RIMBP2: variants seen among roughly 807,000 people sequenced by gnomAD.
The protein encoded by RIMBP2 is RIMS-binding protein 2.
RIMBP2 carries 48 observed loss-of-function variants against 118.6 expected under a neutral mutation model. The observed-to-expected ratio is 0.40, with a 90% confidence interval of 0.32 to 0.51. The LOEUF is 0.51. Among genes scored for constraint, RIMBP2 ranks in the 20% least tolerant of loss-of-function variants. The pLI is 0.41. For missense variants in RIMBP2, 1,551 were observed against 1,768.3 expected (o/e 0.88, Z 2.20); for synonymous variants, 762 against 742.9 (o/e 1.03, Z -0.42).
chr12:130,491,769 G>A (rs1250946934), intron 4 of RIMBP2, among the ~76,000 whole-genome samples: 3 of 152,234 alleles, frequency 2.0e-5, no homozygotes, highest in Non-Finnish European at 1.5e-5. Flanking sequence ...TGTCATTCAT[G>A]GGAAGGCTTC....
chr12:130,502,058 C>T (rs2049844242), intron 4 of RIMBP2, among the ~76,000 whole-genome samples: 2 of 152,316 alleles, frequency 1.3e-5, no homozygotes, highest in Admixed American at 6.5e-5. Context: ...GCCTCATTCA[C>T]GGCCCAACTG....
chr12:130,645,729 C>T (rs533195093), intron 1 of RIMBP2, among the ~76,000 whole-genome samples: 144 of 152,306 alleles, frequency 9.5e-4, no homozygotes, highest in Non-Finnish European at 1.5e-3. Context: ...TGGATCAAAC[C>T]GTGCCTGATC....
rs890041427 is a variant in RIMBP2 at position 130,419,405 on chromosome 12, A to T, written c.3238+3048T>A. ...CCAAATCCACTGGTGCCATAAGAAT[A>T]AGCACCGTCTTCTACAGGAGAGAGG... On this transcript the variant is annotated intron_variant, in intron 17 of 22. Transcript: ENST00000690449. The surrounding 1 kb of genome is among the most constrained non-coding windows in gnomAD (Gnocchi z 4.3). 1 of 152,206 alleles carries T rather than the reference A, an allele frequency of 6.6e-6. No homozygotes were observed. Among genetic ancestry groups the T allele is most frequent in the African/African-American group, 2.4e-5 (1 of 41,414 alleles). 9.4% of individuals were successfully genotyped at this position (152,206 alleles called of 1,614,324 possible).
Position 130,447,787 on chromosome 12 carries a change from G to A in RIMBP2, c.581+2413C>T, listed in dbSNP as rs977095906. Among the ~76,000 whole-genome samples the A allele has an allele frequency of 3.9e-5, 6 of 152,178 alleles. No individual in the cohort carries two copies. The highest frequency in any genetic ancestry group is 2.1e-4 in the South Asian group (1 of 4,834). On this transcript the variant is annotated intron_variant, in intron 9 of 22. Coordinates refer to ENST00000690449, the MANE Select transcript of RIMBP2 (RefSeq NM_001393629.1). The surrounding 1 kb of genome is among the most constrained non-coding windows in gnomAD (Gnocchi z 4.4). ...CCCTCAGCAAGGCGTTCCCCACGGC[G>A]GAGGCTGCACCAGATGGAAGGGAGG...
chr12:130,566,798 T>G (rs2057254238), intron 2 of RIMBP2, among the ~76,000 whole-genome samples: 1 of 152,202 alleles, frequency 6.6e-6, no homozygotes, highest in Non-Finnish European at 1.5e-5. Flanking sequence ...TTGCTAAGTT[T>G]GGGGATAATT....
intron 2 of RIMBP2, among the ~76,000 whole-genome samples, chr12:130,582,980 A>G (rs535996246): frequency 6.6e-6 from 1 of 152,356 alleles, no homozygotes; most frequent in African/African-American, 2.4e-5. Flanking sequence ...GTCCTCTTCT[A>G]TACTTAAGAA....
At chr12:130,490,273 C>A (rs905727659) in intron 4 of RIMBP2, among the ~76,000 whole-genome samples, 1 of 151,814 alleles carries the variant, frequency 6.6e-6, no homozygotes, top group Admixed American at 6.6e-5. Context: ...AAAAAACTCA[C>A]GGAAATGTTG....
chr12:130,683,178 T>A lies in RIMBP2; in HGVS notation c.-352+33044A>T, dbSNP rs2064879083. ...GTGGACCCTCCATCTGATGAGAGTG[T>A]CCACATAAGAGGTAGAAAAGGACAC... On this transcript the variant is annotated intron_variant, in intron 1 of 22. Coordinates refer to ENST00000690449, the MANE Select transcript of RIMBP2 (RefSeq NM_001393629.1). This position sits in a 1 kb window ranked among gnomAD's most constrained non-coding sequence, Gnocchi z 4.4. 6.6e-6 allele frequency among the ~76,000 whole-genome samples: 1 copy of A among 152,024 alleles called. No homozygotes were observed. The highest frequency in any genetic ancestry group is 2.1e-4 in the South Asian group (1 of 4,820).
intron 2 of RIMBP2, among the ~76,000 whole-genome samples, chr12:130,566,213 C>G (rs2057209281): frequency 6.6e-6 from 1 of 151,844 alleles, no homozygotes; most frequent in Non-Finnish European, 1.5e-5. Flanking sequence ...ACTCAACAGT[C>G]CTAGCTTCTA....
At chr12:130,527,430 T>A (rs2052923817) in intron 2 of RIMBP2, among the ~76,000 whole-genome samples, 1 of 152,214 alleles carries the variant, frequency 6.6e-6, no homozygotes, top group Non-Finnish European at 1.5e-5. Flanking sequence ...CCTGATCTGT[T>A]TGATATTTCA....
In RIMBP2 at chr12:130,437,120, G is replaced by C; in HGVS notation, c.1828C>G (p.Pro610Ala). 1 of 1,585,190 alleles carries C rather than the reference G, an allele frequency of 6.3e-7. No homozygotes were observed. Residue 610 changes from proline (P) to alanine (A), a missense_variant, in exon 13 of 23, where the codon CCG becomes GCG. Physicochemically the swap from Pro to Ala is conservative, Grantham distance 27. This residue lies in a region of RIMBP2 where 1,038 missense variants were observed against 1,125.1 expected (regional missense o/e 0.92). Coordinates refer to ENST00000690449, the MANE Select transcript of RIMBP2 (RefSeq NM_001393629.1). The part of the protein sequence containing the change: ...PELLVPPTPH[P>A]RPAPQSKPLA... ...GGCTTTGATTGGGGTGCAGGTCTCG[G>C]GTGGGGGGTAGGAGGCACCAGGAGC...
Position 130,397,292 on chromosome 12 carries a change from G to A in RIMBP2, c.*69C>T. On this transcript the variant is annotated 3_prime_UTR_variant, in exon 23 of 23. Coordinates refer to ENST00000690449, the MANE Select transcript of RIMBP2 (RefSeq NM_001393629.1). ...TTGGGTTTTTTTAGGAAGTACTTGA[G>A]TCATGAAAGCCCTAGTTTGGAATTA... The A allele has an allele frequency of 5.0e-6, 2 of 397,994 alleles. No homozygotes were observed. Among genetic ancestry groups the A allele is most frequent in the Non-Finnish European group, 8.9e-6 (2 of 225,760 alleles). The allele number at this position is 397,994 out of a possible 1,614,324, so 24.7% of individuals were successfully genotyped here.
chr12:130,570,505 A>G (rs1438544070), intron 2 of RIMBP2, among the ~76,000 whole-genome samples: 1 of 152,196 alleles, frequency 6.6e-6, no homozygotes, highest in Non-Finnish European at 1.5e-5. Flanking sequence ...AAACACTGAT[A>G]TGTCAACACC....
chr12:130,680,026 C>T (rs1032807980), intron 1 of RIMBP2, among the ~76,000 whole-genome samples: 2 of 152,176 alleles, frequency 1.3e-5, no homozygotes, highest in Admixed American at 6.5e-5. Context: ...GTTCACCCAC[C>T]GTGGGAAGGA....
rs2054703367 is a variant in RIMBP2 at position 130,542,411 on chromosome 12, C to G, written c.-216-24494G>C. On this transcript the variant is annotated intron_variant, in intron 2 of 22. Coordinates refer to ENST00000690449, the MANE Select transcript of RIMBP2 (RefSeq NM_001393629.1). ...AGTTCAAACCAGCACTATCAGTTCT[C>G]TCCTTCCCCTAGAATCTGAGATGAG... Among the ~76,000 whole-genome samples the G allele has an allele frequency of 2.0e-5, 3 of 152,178 alleles. No homozygotes were observed. The South Asian group carries it at 6.2e-4, about 32-fold the overall frequency.
At chr12:130,500,069 T>C (rs1593541658) in intron 4 of RIMBP2, among the ~76,000 whole-genome samples, 1 of 152,206 alleles carries the variant, frequency 6.6e-6, no homozygotes, top group African/African-American at 2.4e-5. Context: ...AACAAATCCA[T>C]TTCCCTTTAA....
At chr12:130,696,673 C>G (rs1279093081) in intron 1 of RIMBP2, among the ~76,000 whole-genome samples, 1 of 152,170 alleles carries the variant, frequency 6.6e-6, no homozygotes, top group Non-Finnish European at 1.5e-5. Context: ...TTAGAAATAT[C>G]AAGTCCAACT....
At chr12:130,641,064 C>T (rs1306000278) in intron 1 of RIMBP2, among the ~76,000 whole-genome samples, 7 of 152,272 alleles carry the variant, frequency 4.6e-5, no homozygotes, top group South Asian at 4.2e-4. Context: ...CAGGAGAAAC[C>T]GCAGTCTTGC....
chr12:130,567,599 C>T (rs1053502056), intron 2 of RIMBP2, among the ~76,000 whole-genome samples: 1 of 152,142 alleles, frequency 6.6e-6, no homozygotes. Flanking sequence ...AACTGGGCAT[C>T]GGCACGTCCC....
Sources: gnomAD v4.1 joint callset for allele counts (sites outside exome capture counted in the v4.1 genomes callset) on GRCh38, gnomAD v4.1.1 for gene constraint, gnomAD v4.1.1 regional missense constraint, Gnocchi (gnomAD v3.1) non-coding constraint, MANE v1.5 for transcripts, NCBI Gene and HGNC (gene_info 2026-07-23, HGNC 2026-07-21) for gene names.